The following SPDYE2 variants were observed in gnomAD, a reference collection of about 807,000 sequenced individuals.
The protein encoded by SPDYE2 is speedy protein E2.
For synonymous variants in SPDYE2, 2 were observed against 45.1 expected (o/e 0.04, Z 3.83); for missense variants, 1 against 121.0 (o/e 0.01, Z 4.65).
At position 102,555,761 on chromosome 7, in the gene SPDYE2, C is replaced by CA. The variant is rs1165097034; in HGVS notation, c.380-138dup. ...GGCACATGCAGCTCAGCAGAGGAGA[C>CA]AGACAGAAGGAAAGATGGCTTGGAG... On this transcript the variant is annotated intron_variant, in intron 3 of 8. Coordinates refer to ENST00000507918, the Ensembl canonical transcript of SPDYE2. 3 of 880,888 alleles carry CA rather than the reference C, an allele frequency of 3.4e-6. 1 individual carries two copies. In the East Asian group the frequency reaches 1.1e-4, roughly 33 times the overall value. 54.6% of individuals were successfully genotyped at this position (880,888 alleles called of 1,614,324 possible).
chr7:102,565,221 CT>C (rs1415824957), downstream of SPDYE2: 1 of 85,074 alleles, frequency 1.2e-5, no homozygotes, highest in East Asian at 3.1e-4. Context: ...ATGATACTTT[CT>C]TTCTCTTTTT....
intron 3 of SPDYE2, among the ~76,000 whole-genome samples, chr7:102,555,216 G>C (rs1223056900): frequency 9.1e-6 from 1 of 110,066 alleles, no homozygotes; most frequent in Non-Finnish European, 1.8e-5. Context: ...CTGGGTGAGA[G>C]AGTGAGACGC....
At chr7:102,563,226 T>C (rs1800945575) in exon 9 of SPDYE2, 1 of 140,942 alleles carries the variant, frequency 7.1e-6, no homozygotes, top group Non-Finnish European at 1.5e-5. Context: ...TATCTATTAT[T>C]ACACGTGCTG....
At chr7:102,557,397 C>T (rs1800834890) in intron 5 of SPDYE2, among the ~76,000 whole-genome samples, 175 bp downstream of exon 5, 1 of 134,868 alleles carries the variant, frequency 7.4e-6, no homozygotes, top group Non-Finnish European at 1.6e-5. Context: ...GAGTCTTGCT[C>T]TGTTGCCCAG....
Position 102,554,758 on chromosome 7 carries a change from C to T in SPDYE2, c.379+181C>T, listed in dbSNP as rs556680803. 5.7e-3 allele frequency among the ~76,000 whole-genome samples: 743 copies of T among 131,422 alleles called. 24 individuals are homozygous for T. Among genetic ancestry groups the T allele is most frequent in the African/African-American group, 0.02 (715 of 36,458 alleles). 86.2% of individuals were successfully genotyped at this position (131,422 alleles called of 152,430 possible). The stretch of plus-strand genomic sequence containing the variant: ...GGAGACGATAGAAGACTAGGCTAGA[C>T]TTGATAAAGGTTGGCGCTTGGGATG... On this transcript the variant is annotated intron_variant, in intron 3 of 8. Transcript: ENST00000507918.
At chr7:102,557,704 T>G (rs1800845093) in intron 5 of SPDYE2, among the ~76,000 whole-genome samples, 2 of 57,516 alleles carry the variant, frequency 3.5e-5, no homozygotes, top group African/African-American at 6.3e-5. Context: ...AATTTTTTTT[T>G]TGTGAGACAG....
At chr7:102,557,095 TCCCTGCCCTGCTGCTCCCACGGAAA>T in intron 4 of SPDYE2, 44 bp from the exon 5 acceptor site, 1 of 768,550 alleles carries the variant, frequency 1.3e-6, no homozygotes, top group East Asian at 3.3e-5. Context: ...ACACTTCTCC[TCCCTGCCCTGCTGCTCCCACGGAAA>T]CCCTGTCCTG....
intron 6 of SPDYE2, among the ~76,000 whole-genome samples, chr7:102,559,793 T>A (rs1800872851): frequency 4.9e-5 from 1 of 20,206 alleles, no homozygotes; most frequent in African/African-American, 1.5e-4. Flanking sequence ...TTTCTTTTAT[T>A]TTTTTGAGAC....
At chr7:102,564,419 T>C (rs1445933452), downstream of SPDYE2, 4 of 141,130 alleles carry the variant, frequency 2.8e-5, no homozygotes, top group Admixed American at 1.4e-4. Context: ...CCTCACCCCC[T>C]CTCAAAAAAA....
intron 2 of SPDYE2, among the ~76,000 whole-genome samples, 198 bp downstream of exon 2, chr7:102,553,613 G>C (rs1289568677): frequency 2.1e-5 from 1 of 47,354 alleles, no homozygotes; most frequent in African/African-American, 3.9e-5. Flanking sequence ...AATTAGCCAA[G>C]TTGTAGTGGT....
intron 3 of SPDYE2, among the ~76,000 whole-genome samples, chr7:102,555,512 C>T (rs1800764379): frequency 8.7e-6 from 1 of 114,710 alleles, no homozygotes; most frequent in Non-Finnish European, 1.9e-5. Context: ...ACTTGGGAGG[C>T]TTAGGCAGGA....
rs1586816580 is a variant in SPDYE2, at chr7:102,559,881, C to G, written c.756-719C>G. Among the ~76,000 whole-genome samples the G allele has an allele frequency of 6.5e-5, 2 of 30,994 alleles. 1 individual carries two copies. The highest frequency in any genetic ancestry group is 1.5e-4 in the Non-Finnish European group (2 of 13,384). The allele number at this position is 30,994 out of a possible 152,430, so 20.3% of individuals were successfully genotyped here. A position where few individuals can be genotyped will look rare whatever the true frequency, so the allele number is the denominator to read the frequency against. On this transcript the variant is annotated intron_variant, in intron 6 of 8. Transcript: ENST00000507918. Reference sequence around the variant, plus strand: ...GCAGCCTCCATATCCTGGGCTCAAGCGATCCTCCCACCTCAGCTTCATTAG... The same window carrying G: ...GCAGCCTCCATATCCTGGGCTCAAGGGATCCTCCCACCTCAGCTTCATTAG...
chr7:102,554,788 A>G (rs1036089588), intron 3 of SPDYE2, among the ~76,000 whole-genome samples: 2 of 124,364 alleles, frequency 1.6e-5, no homozygotes, highest in African/African-American at 5.6e-5. Flanking sequence ...GGGATGAGAA[A>G]GCTTGGTTTC....
At chr7:102,554,314 ATCAG>A (rs1800680450) in intron 2 of SPDYE2, 41 bp from the exon 3 acceptor site, 2 of 1,453,888 alleles carry the variant, frequency 1.4e-6, no homozygotes, top group Admixed American at 3.7e-5. Flanking sequence ...GTCTAAGGTG[ATCAG>A]ATGCAGAAGC....
chr7:102,564,586 G>A (rs1466889372), downstream of SPDYE2: 3 of 148,912 alleles, frequency 2.0e-5, no homozygotes, highest in South Asian at 2.1e-4. Context: ...AGCTCACTGC[G>A]GCCTCAGACT....
At chr7:102,564,301 C>A (rs1347677398), downstream of SPDYE2, 1 of 110,274 alleles carries the variant, frequency 9.1e-6, no homozygotes, top group Non-Finnish European at 2.0e-5. Context: ...ATGGTGAAAC[C>A]CTGTCTCTAC....
At chr7:102,564,301 C>G (rs1347677398), downstream of SPDYE2, 3 of 110,274 alleles carry the variant, frequency 2.7e-5, no homozygotes, top group Non-Finnish European at 4.0e-5. Flanking sequence ...ATGGTGAAAC[C>G]CTGTCTCTAC....
downstream of SPDYE2, chr7:102,563,804 A>C (rs1800961527): frequency 9.6e-5 from 1 of 10,434 alleles, no homozygotes. Flanking sequence ...TTTTTTAAAG[A>C]AAAACAATAG....
downstream of SPDYE2, chr7:102,564,610 T>TCCTCTTA (rs1442094467): frequency 6.7e-6 from 1 of 150,026 alleles, no homozygotes; most frequent in African/African-American, 2.4e-5. Context: ...GCTCAAGCGA[T>TCCTCTTA]CCTCTTACCT....
Sources: allele counts gnomAD v4.1 joint callset (sites outside exome capture counted in the v4.1 genomes callset), GRCh38; gene constraint gnomAD v4.1.1; transcripts MANE v1.5; gene names NCBI Gene and HGNC (gene_info 2026-07-23, HGNC 2026-07-21).